Variants in ATG10 observed in about 807,000 individuals in gnomAD.
ATG10 encodes ubiquitin-like-conjugating enzyme ATG10.
A neutral mutation model predicts 32.1 loss-of-function variants in ATG10; 30 were observed. That is an observed-to-expected ratio of 0.94 (90% confidence interval 0.70 to 1.27). The LOEUF (loss-of-function observed/expected upper bound fraction) is 1.27, where lower values mean the gene tolerates loss of function less well. Among genes scored for constraint, ATG10 ranks in the 50% most tolerant of loss-of-function variants. ATG10 has a pLI of 0.00. For missense variants in ATG10, 233 were observed against 262.3 expected, an observed-to-expected ratio of 0.89 and a Z score of 0.77; for synonymous variants, 87 against 91.5, an observed-to-expected ratio of 0.95 and a Z score of 0.28.
chr5:82,204,424 T>C (rs1249201626), intron 5 of ATG10, among the ~76,000 whole-genome samples: 1 of 152,268 alleles, frequency 6.6e-6, no homozygotes, highest in African/African-American at 2.4e-5. Context: ...TAAATAATTT[T>C]TGTATTTTAC....
chr5:82,096,607 T>A (rs1016311824), intron 3 of ATG10, among the ~76,000 whole-genome samples: 1 of 152,190 alleles, frequency 6.6e-6, no homozygotes, highest in African/African-American at 2.4e-5. Flanking sequence ...GGGCCAGCTT[T>A]GTCATTGAAG....
chr5:82,169,779 A>G (rs1010785276), intron 4 of ATG10, among the ~76,000 whole-genome samples: 1 of 152,252 alleles, frequency 6.6e-6, no homozygotes, highest in South Asian at 2.1e-4. Context: ...AAGAGCAAAC[A>G]GTGAAAGTTA....
At chr5:81,972,997 A>G (rs1199833286) in intron 1 of ATG10, among the ~76,000 whole-genome samples, 2 of 152,174 alleles carry the variant, frequency 1.3e-5, no homozygotes, top group East Asian at 3.8e-4. Context: ...GCATGATGAT[A>G]TTGATTAGGG....
chr5:82,158,129 T>G (rs924481204), intron 3 of ATG10, among the ~76,000 whole-genome samples: 5 of 152,214 alleles, frequency 3.3e-5, no homozygotes, highest in African/African-American at 1.2e-4. Flanking sequence ...TTAATTCGTA[T>G]CAGATTTTTT....
At chr5:81,993,025 T>C (rs1056138070) in intron 2 of ATG10, among the ~76,000 whole-genome samples, 6 of 152,176 alleles carry the variant, frequency 3.9e-5, no homozygotes, top group African/African-American at 1.2e-4. Flanking sequence ...AGGAAGGTGG[T>C]ACACTTGTTA....
At chr5:81,975,046 A>G (rs1336450641) in intron 1 of ATG10, among the ~76,000 whole-genome samples, 1 of 152,180 alleles carries the variant, frequency 6.6e-6, no homozygotes, top group East Asian at 1.9e-4. Context: ...CAGCTGTGTT[A>G]CCTTGGACAA....
intron 2 of ATG10, among the ~76,000 whole-genome samples, chr5:82,026,488 G>T (rs1364290267): frequency 6.6e-6 from 1 of 151,486 alleles, no homozygotes; most frequent in Non-Finnish European, 1.5e-5. Context: ...TTATAGTTTT[G>T]CTGACTTAGA....
At chr5:82,087,087 T>G (rs879165095) in intron 3 of ATG10, among the ~76,000 whole-genome samples, 1 of 152,154 alleles carries the variant, frequency 6.6e-6, no homozygotes, top group Admixed American at 6.6e-5. Context: ...GAGGAAAGAT[T>G]CAGGGAATTA....
At chr5:82,103,871 A>G (rs1581693359) in intron 3 of ATG10, among the ~76,000 whole-genome samples, 1 of 152,228 alleles carries the variant, frequency 6.6e-6, no homozygotes, top group African/African-American at 2.4e-5. Context: ...TTCAGTTACT[A>G]CCTGCCCCCA....
chr5:82,091,327 C>G (rs1764875674), intron 3 of ATG10, among the ~76,000 whole-genome samples: 1 of 152,092 alleles, frequency 6.6e-6, no homozygotes. Flanking sequence ...GCCTCAGCCT[C>G]CTTAATAGCT....
chr5:82,255,179 G>A lies in ATG10; in HGVS notation c.*1116G>A, dbSNP rs1441561092. On this transcript the variant is annotated 3_prime_UTR_variant, in exon 8 of 8. Coordinates refer to ENST00000282185, the MANE Select transcript of ATG10 (RefSeq NM_031482.5). ...CTTGAGCGAGTCTTCATGTCCCTGA[G>A]ACTTATTTTCCTCATCTTTAATTTG... 6.6e-6 allele frequency: 1 copy of A among 152,090 alleles called. No homozygotes were observed. The highest frequency in any genetic ancestry group is 1.5e-5 in the Non-Finnish European group (1 of 68,010). 9.4% of individuals were successfully genotyped at this position (152,090 alleles called of 1,614,324 possible).
intron 2 of ATG10, among the ~76,000 whole-genome samples, chr5:81,993,369 T>TTTCTTTCTTTCCTTCTTTC (rs1554039351): frequency 1.8e-4 from 7 of 38,028 alleles, no homozygotes; most frequent in African/African-American, 8.8e-4. Context: ...CCTTCTTTTC[T>TTTCTTTCTTTCCTTCTTTC]TTTCTTTTCT....
At chr5:82,095,711 C>G (rs1765034145) in intron 3 of ATG10, among the ~76,000 whole-genome samples, 1 of 152,130 alleles carries the variant, frequency 6.6e-6, no homozygotes, top group African/African-American at 2.4e-5. Context: ...TTCTGCTTGA[C>G]TGCCCCATTC....
intron 5 of ATG10, among the ~76,000 whole-genome samples, chr5:82,250,966 G>A (rs1177008958): frequency 1.3e-5 from 2 of 152,268 alleles, no homozygotes; most frequent in Non-Finnish European, 2.9e-5. Flanking sequence ...GGATGGGAAT[G>A]AAGGTTGGGA....
chr5:82,125,418 A>C (rs1766225579), intron 3 of ATG10, among the ~76,000 whole-genome samples: 1 of 152,138 alleles, frequency 6.6e-6, no homozygotes, highest in Non-Finnish European at 1.5e-5. Context: ...TTATGGTTTT[A>C]GGTCTTTAAT....
At chr5:82,059,177 G>A (rs1237773548) in intron 3 of ATG10, among the ~76,000 whole-genome samples, 1 of 152,042 alleles carries the variant, frequency 6.6e-6, no homozygotes, top group Non-Finnish European at 1.5e-5. Flanking sequence ...TGGTACTAAT[G>A]ACTGAGTGGT....
intron 2 of ATG10, among the ~76,000 whole-genome samples, chr5:82,019,057 A>G (rs1762367546): frequency 6.6e-6 from 1 of 152,212 alleles, no homozygotes; most frequent in Non-Finnish European, 1.5e-5. Flanking sequence ...AAGTTTTGTT[A>G]AATGAGTGAG....
Position 82,153,684 on chromosome 5 carries a change from CACAA to C in ATG10, c.217-10709_217-10706del, listed in dbSNP as rs1419558388. Among the ~76,000 whole-genome samples, 4 of 152,090 alleles carry C rather than the reference CACAA, an allele frequency of 2.6e-5. No homozygotes were observed. The East Asian group carries it at 5.8e-4, about 22-fold the overall frequency. ...AGCTGAAAAAGAAAAATTAAAATCTCACAAACAAAATTCATAGATTTGGAGGTAA... is the reference window on the plus strand; with the variant it reads ...AGCTGAAAAAGAAAAATTAAAATCTCACAAAATTCATAGATTTGGAGGTAA... On this transcript the variant is annotated intron_variant, in intron 3 of 7. Transcript: ENST00000282185.
At chr5:82,162,656 A>G (rs1743402016) in intron 3 of ATG10, among the ~76,000 whole-genome samples, 1 of 152,154 alleles carries the variant, frequency 6.6e-6, no homozygotes, top group African/African-American at 2.4e-5. Flanking sequence ...ATCTGGCAAT[A>G]TGGAAATGTT....
Sources: gnomAD v4.1 joint callset for allele counts (sites outside exome capture counted in the v4.1 genomes callset) on GRCh38, gnomAD v4.1.1 for gene constraint, MANE v1.5 for transcripts, NCBI Gene and HGNC (gene_info 2026-07-23, HGNC 2026-07-21) for gene names.